DCAKD: variants seen among roughly 807,000 people sequenced by gnomAD.
DCAKD encodes the protein dephospho-CoA kinase domain-containing protein.
Under a neutral mutation model 18.7 loss-of-function variants are expected in DCAKD, and 15 were observed. The ratio of observed to expected loss-of-function variants is 0.80; its 90% CI spans 0.54 to 1.24. DCAKD has a LOEUF of 1.24. Ranked by LOEUF, DCAKD falls within the 50% of genes most tolerant of loss-of-function variation. The probability of loss-of-function intolerance (pLI) is 0.00; values close to 1 mark genes in which losing one functional copy is unlikely to be tolerated. For synonymous variants in DCAKD, 130 were observed against 133.0 expected (o/e 0.98, Z 0.16); for missense variants, 301 against 322.0 (o/e 0.93, Z 0.50).
Position 45,024,653 on chromosome 17 carries a change from A to T in DCAKD, c.476T>A (p.Ile159Asn). The T allele has an allele frequency of 1.2e-6, 2 of 1,611,504 alleles. No homozygotes were observed. The highest frequency in any genetic ancestry group is 2.2e-5 in the South Asian group (2 of 91,036). ...SLNRKDAEAR[I>N]NAQLPLTDKA... ...GTCTGTCAGGGGCAGCTGGGCATTG[A>T]TGCGGGCCTCTGCGTCCTTGCGGTT... is the stretch of plus-strand genomic sequence containing the variant. Residue 159 changes from isoleucine (I) to asparagine (N), a missense_variant, in exon 5 of 5, where the codon ATC (isoleucine) becomes AAC (asparagine). Ile to Asn is a moderately radical substitution (Grantham distance 149, BLOSUM62 -3). Transcript: ENST00000651974.
Position 45,027,842 on chromosome 17 carries a change from C to T in DCAKD, c.404+2250G>A, listed in dbSNP as rs145014961. On this transcript the variant is annotated intron_variant, in intron 4 of 4. Transcript: ENST00000651974. Reference sequence around the variant, plus strand: ...CTCTACTAAAAATACAAAACTTAGCCGGGCATGGTGGCGTGCGCCTGTAAT... The same window carrying T: ...CTCTACTAAAAATACAAAACTTAGCTGGGCATGGTGGCGTGCGCCTGTAAT... Among the ~76,000 whole-genome samples, 513 of 151,952 alleles carry T rather than the reference C, an allele frequency of 3.4e-3. 28 individuals are homozygous for T. In the East Asian group the frequency reaches 0.085, roughly 25 times the overall value.
At chr17:45,035,035 G>A (rs2053262931) in intron 1 of DCAKD, 36 bp from the exon 2 acceptor site, 2 of 719,236 alleles carry the variant, frequency 2.8e-6, no homozygotes, top group Admixed American at 2.7e-5. Flanking sequence ...GATCAGTTTG[G>A]GCCAAAATAA....
At chr17:45,059,994 C>G (rs906610166) in intron 1 of DCAKD, among the ~76,000 whole-genome samples, 1 of 152,092 alleles carries the variant, frequency 6.6e-6, no homozygotes, top group Non-Finnish European at 1.5e-5. Flanking sequence ...ATCCCAGCTA[C>G]TCAGGAGGCC....
chr17:45,032,030 G>C (rs1897335426), intron 3 of DCAKD: 1 of 985,442 alleles, frequency 1.0e-6, no homozygotes, highest in Non-Finnish European at 1.2e-6. Context: ...ATGACACAGT[G>C]AAAGAGCTTT....
chr17:45,045,162 T>G (rs2053537949), intron 1 of DCAKD, among the ~76,000 whole-genome samples: 1 of 152,170 alleles, frequency 6.6e-6, no homozygotes, highest in Non-Finnish European at 1.5e-5. Flanking sequence ...GGACCCAGTT[T>G]GGATTCAACC....
At chr17:45,037,470 T>A (rs1413147900) in intron 1 of DCAKD, among the ~76,000 whole-genome samples, 4 of 152,154 alleles carry the variant, frequency 2.6e-5, no homozygotes, top group Admixed American at 2.6e-4. Flanking sequence ...AATTTTTTTT[T>A]TTTTAGATGG....
chr17:45,043,760 T>G (rs1775713070), intron 1 of DCAKD, among the ~76,000 whole-genome samples: 1 of 152,148 alleles, frequency 6.6e-6, no homozygotes, highest in South Asian at 2.1e-4. Flanking sequence ...GGAATGTTTT[T>G]CTATACAATT....
chr17:45,057,353 A>G (rs9746981), intron 1 of DCAKD, among the ~76,000 whole-genome samples: 16,963 of 151,634 alleles, frequency 0.11, 1,001 homozygotes, highest in Middle Eastern at 0.18. Context: ...ATATTTCTGC[A>G]TAACTCCATA....
At chr17:45,029,432 G>A (rs545844440) in intron 4 of DCAKD, among the ~76,000 whole-genome samples, 22 of 152,320 alleles carry the variant, frequency 1.4e-4, no homozygotes, top group African/African-American at 3.4e-4. Flanking sequence ...GGTGGCATCC[G>A]GGAAGCTTCT....
rs1365050883 is a variant in DCAKD at position 45,024,324 on chromosome 17, TGTGTGTGTGTGTGTGG to T, written c.*93_*108del. On this transcript the variant is annotated 3_prime_UTR_variant, in exon 5 of 5. Coordinates refer to ENST00000651974, the MANE Select transcript of DCAKD (RefSeq NM_001288655.2). ...GTGTGTGTGTGTGTGTGTGTGTGTGTGTGTGTGTGTGTGTGGGGAGGGGGCTGAGAGGAAACAGGAT... is the reference window on the plus strand; with the variant it reads ...GTGTGTGTGTGTGTGTGTGTGTGTGTGGAGGGGGCTGAGAGGAAACAGGAT... 0.037 allele frequency: 16,687 copies of T among 449,872 alleles called. 672 individuals carry two copies. Among genetic ancestry groups the T allele is most frequent in the Admixed American group, 0.19 (3,651 of 19,704 alleles). The allele number at this position is 449,872 out of a possible 1,614,324, so 27.9% of individuals were successfully genotyped here. A position where few individuals can be genotyped will look rare whatever the true frequency, so the allele number is the denominator to read the frequency against.
chr17:45,028,005 A>C (rs2053091544), intron 4 of DCAKD, among the ~76,000 whole-genome samples: 1 of 151,690 alleles, frequency 6.6e-6, no homozygotes, highest in Non-Finnish European at 1.5e-5. Flanking sequence ...AAAAAAAAAA[A>C]AAGCAAAGCA....
chr17:45,038,971 A>C (rs1316849226), intron 1 of DCAKD, among the ~76,000 whole-genome samples: 1 of 152,180 alleles, frequency 6.6e-6, no homozygotes, highest in East Asian at 1.9e-4. Context: ...AGGAAAACAC[A>C]AGTCTTGCCC....
At chr17:45,053,510 C>T (rs547417380), upstream of DCAKD, among the ~76,000 whole-genome samples, 2 of 152,192 alleles carry the variant, frequency 1.3e-5, no homozygotes, top group South Asian at 4.1e-4. Flanking sequence ...CAACCTCTAC[C>T]TCCCGGGTTC....
chr17:45,024,061 C>T lies in DCAKD; in HGVS notation c.*372G>A, dbSNP rs2143145216. On this transcript the variant is annotated 3_prime_UTR_variant, in exon 5 of 5. Coordinates refer to ENST00000651974, the MANE Select transcript of DCAKD (RefSeq NM_001288655.2). Reference sequence around the variant, plus strand: ...GGATTCAAGCCCAGTGAACCCTTGGCCTCCCAGCTCTGAGGAGGGCCACAG... The same window carrying T: ...GGATTCAAGCCCAGTGAACCCTTGGTCTCCCAGCTCTGAGGAGGGCCACAG... 2 of 207,048 alleles carry T rather than the reference C, an allele frequency of 9.7e-6. No individual in the cohort carries two copies. The highest frequency in any genetic ancestry group is 2.0e-5 in the Non-Finnish European group (2 of 101,356). 12.8% of individuals were successfully genotyped at this position (207,048 alleles called of 1,614,324 possible). A position where few individuals can be genotyped will look rare whatever the true frequency, so the allele number is the denominator to read the frequency against.
chr17:45,049,682 T>C (rs1304092134), intron 1 of DCAKD, among the ~76,000 whole-genome samples: 1 of 151,012 alleles, frequency 6.6e-6, no homozygotes, highest in Non-Finnish European at 1.5e-5. Flanking sequence ...AATCTAAAAC[T>C]GTGCCAGCAG....
intron 1 of DCAKD, among the ~76,000 whole-genome samples, chr17:45,035,439 C>T: frequency 7.8e-6 from 1 of 127,802 alleles, no homozygotes; most frequent in African/African-American, 3.2e-5. Context: ...TGAGATCCCA[C>T]CACTGCACTG....
In DCAKD at chr17:45,029,499, C is replaced by G. The variant is rs538663249; in HGVS notation, c.404+593G>C. ...CTTTCACCCCACTGGGACAGGGACT[C>G]ATTTTCCCCCCACAGGTTGATCCTC... On this transcript the variant is annotated intron_variant, in intron 4 of 4. Transcript: ENST00000651974. 2.2e-4 allele frequency among the ~76,000 whole-genome samples: 34 copies of G among 152,328 alleles called. 2 individuals are homozygous for G. The highest frequency in any genetic ancestry group is 8.2e-4 in the African/African-American group (34 of 41,580).
chr17:45,034,427 G>T (rs2053243862), intron 2 of DCAKD, 37 bp from the exon 3 acceptor site: 1 of 1,609,514 alleles, frequency 6.2e-7, no homozygotes, highest in African/African-American at 1.3e-5. Flanking sequence ...ACTCCCTGAA[G>T]CCTCAGGGCC....
chr17:45,027,985 C>G (rs997462466), intron 4 of DCAKD, among the ~76,000 whole-genome samples: 1 of 134,226 alleles, frequency 7.5e-6, no homozygotes, highest in Non-Finnish European at 1.6e-5. Context: ...GACTCCATCT[C>G]AATTTAAAAA....
Sources: gnomAD v4.1 joint callset for allele counts (sites outside exome capture counted in the v4.1 genomes callset) on GRCh38, gnomAD v4.1.1 for gene constraint, MANE v1.5 for transcripts, NCBI Gene and HGNC (gene_info 2026-07-23, HGNC 2026-07-21) for gene names.